The following PDS5A variants were observed in gnomAD, a reference collection of about 807,000 sequenced individuals.
PDS5A encodes PDS5 cohesin associated factor A, also known as sister chromatid cohesion protein PDS5 homolog A.
PDS5A carries 42 observed loss-of-function variants against 167.1 expected under a neutral mutation model. The observed-to-expected ratio is 0.25, with a 90% CI of 0.20 to 0.33. The LOEUF (loss-of-function observed/expected upper bound fraction) is 0.33, where lower values mean the gene tolerates loss of function less well. Ranked by LOEUF, PDS5A falls within the 10% of genes least tolerant of loss-of-function variation. The probability of loss-of-function intolerance (pLI) is 1.00; values close to 1 mark genes in which losing one functional copy is unlikely to be tolerated. For missense variants in PDS5A, 1,033 were observed against 1,605.9 expected, an observed-to-expected ratio of 0.64 and a Z score of 6.10; for synonymous variants, 553 against 554.6, an observed-to-expected ratio of 1.00 and a Z score of 0.04.
chr4:39,849,667 A>G lies in PDS5A; in HGVS notation c.3087-15T>C. Reference sequence around the variant, plus strand: ...ACCATAGGCACCTAAATGTAAACATATTAAAGAGACTAGACGTAGATAGAT... The same window carrying G: ...ACCATAGGCACCTAAATGTAAACATGTTAAAGAGACTAGACGTAGATAGAT... On this transcript the variant is annotated splice_polypyrimidine_tract_variant and intron_variant, in intron 26 of 32. Transcript: ENST00000303538. The G allele has an allele frequency of 6.3e-7, 1 of 1,594,540 alleles. No homozygotes were observed. Among genetic ancestry groups the G allele is most frequent in the Non-Finnish European group, 8.6e-7 (1 of 1,163,688 alleles).
intron 17 of PDS5A, among the ~76,000 whole-genome samples, chr4:39,880,224 C>T (rs1212577007): frequency 6.6e-6 from 1 of 152,032 alleles, no homozygotes; most frequent in Non-Finnish European, 1.5e-5. Context: ...TAAACATACA[C>T]ATGGACAAAT....
chr4:39,970,005 C>A lies in PDS5A; in HGVS notation c.138+6435G>T, dbSNP rs975847842. Among the ~76,000 whole-genome samples, 3 of 149,908 alleles carry A rather than the reference C, an allele frequency of 2.0e-5. No homozygotes were observed. In the South Asian group the frequency reaches 6.3e-4, roughly 31 times the overall value. ...ACAGAGTCTCGCCCTGTTGCCCAGG[C>A]TGGAATGCAGTGATGTGATCTCGGC... On this transcript the variant is annotated intron_variant, in intron 2 of 32. Coordinates refer to ENST00000303538, the MANE Select transcript of PDS5A (RefSeq NM_001100399.2).
chr4:39,923,779 AT>A (rs1217609859), intron 5 of PDS5A, among the ~76,000 whole-genome samples: 1 of 152,072 alleles, frequency 6.6e-6, no homozygotes, highest in African/African-American at 2.4e-5. Flanking sequence ...AAAGGCAGAC[AT>A]TTTTTTCAAC....
chr4:39,942,260 T>C (rs984341716), intron 2 of PDS5A, among the ~76,000 whole-genome samples: 11 of 152,184 alleles, frequency 7.2e-5, no homozygotes, highest in Non-Finnish European at 1.2e-4. Context: ...TCAAACTGGG[T>C]TAATTCATTA....
intron 26 of PDS5A, among the ~76,000 whole-genome samples, chr4:39,857,473 A>G (rs1344103950): frequency 2.0e-5 from 3 of 152,218 alleles, no homozygotes; most frequent in Non-Finnish European, 1.5e-5. Context: ...GAATTCAACA[A>G]AAAACAAATA....
At chr4:39,912,537 T>C (rs1357880444) in intron 9 of PDS5A, among the ~76,000 whole-genome samples, 2 of 152,236 alleles carry the variant, frequency 1.3e-5, no homozygotes, top group Non-Finnish European at 2.9e-5. Context: ...ACTGCTAAGA[T>C]AGCAGTAGGC....
intron 2 of PDS5A, among the ~76,000 whole-genome samples, chr4:39,970,790 C>CTTTTTTTTT (rs35223238): frequency 2.3e-5 from 2 of 88,492 alleles, no homozygotes; most frequent in African/African-American, 4.3e-5. Context: ...CCGCTTGTTC[C>CTTTTTTTTT]TTTTTTTTTT....
In PDS5A at chr4:39,910,568, T is replaced by A. The variant is rs59993099; in HGVS notation, c.993-230A>T. Among the ~76,000 whole-genome samples the A allele has an allele frequency of 0.096, 14,658 of 152,192 alleles. 882 individuals are homozygous for A. Among genetic ancestry groups the A allele is most frequent in the East Asian group, 0.22 (1,121 of 5,170 alleles). Reference sequence around the variant, plus strand: ...ATTTCTTTACCATGCTAAAACTAACTAACAAAAAACAGTATAAACAAACAC... The same window carrying A: ...ATTTCTTTACCATGCTAAAACTAACAAACAAAAAACAGTATAAACAAACAC... On this transcript the variant is annotated intron_variant, in intron 9 of 32. Coordinates refer to ENST00000303538, the MANE Select transcript of PDS5A (RefSeq NM_001100399.2).
intron 2 of PDS5A, among the ~76,000 whole-genome samples, chr4:39,950,075 T>C (rs1051939896): frequency 1.4e-4 from 22 of 151,768 alleles, no homozygotes; most frequent in African/African-American, 4.8e-4. Context: ...TTGGCTTATT[T>C]TCTATGTTTT....
intron 8 of PDS5A, among the ~76,000 whole-genome samples, chr4:39,915,639 T>A (rs1015938518): frequency 6.6e-6 from 1 of 152,016 alleles, no homozygotes; most frequent in Non-Finnish European, 1.5e-5. Context: ...GGATTACAGG[T>A]ATGAGCTACC....
At chr4:39,909,040 A>AAAAATAAATAAAATAAAATAAAATAAAAT (rs1723641503) in intron 10 of PDS5A, among the ~76,000 whole-genome samples, 1 of 126,024 alleles carries the variant, frequency 7.9e-6, no homozygotes, top group Non-Finnish European at 1.7e-5. Context: ...CCCTGTATCA[A>AAAAATAAATAAAATAAAATAAAATAAAAT]AAAATAAAAT....
chr4:39,862,980 C>T lies in PDS5A; in HGVS notation c.2860G>A (p.Ala954Thr). Reference protein sequence around the residue: ...LLPLEYMAIFALCAKDPVKER... With the variant: ...LLPLEYMAIFTLCAKDPVKER... Reference sequence around the variant, plus strand: ...TTCACAGGATCTTTGGCACACAAGGCAAAGATCGCCATATACTCCAATGGG... The same window carrying T: ...TTCACAGGATCTTTGGCACACAAGGTAAAGATCGCCATATACTCCAATGGG... Residue 954 changes from alanine to threonine, a missense_variant, in exon 25 of 33, where the codon GCC (alanine) becomes ACC (threonine). Ala to Thr is a moderately conservative substitution (Grantham distance 58). Around this residue, in one of 4 missense-constraint regions of PDS5A, gnomAD observed 367 missense variants for 686.7 expected, o/e 0.53. Coordinates refer to ENST00000303538, the MANE Select transcript of PDS5A (RefSeq NM_001100399.2). 1 of 1,613,554 alleles carries T rather than the reference C, an allele frequency of 6.2e-7. No individual in the cohort carries two copies. Among genetic ancestry groups the T allele is most frequent in the Non-Finnish European group, 8.5e-7 (1 of 1,179,630 alleles).
In PDS5A at chr4:39,935,031, T is replaced by A. The variant is rs895321734; in HGVS notation, c.139-6867A>T. Among the ~76,000 whole-genome samples the A allele has an allele frequency of 3.9e-5, 6 of 152,218 alleles. No individual in the cohort carries two copies. In the South Asian group the frequency reaches 1.2e-3, roughly 31 times the overall value. ...AAGGATTTAACGTAATCTAACTTTA[T>A]CAATTATTTTCTTTTATGGTTTGTG... On this transcript the variant is annotated intron_variant, in intron 2 of 32. Transcript: ENST00000303538.
chr4:39,922,801 T>G, intron 5 of PDS5A, 53 bp from the exon 6 acceptor site: 1 of 1,351,276 alleles, frequency 7.4e-7, no homozygotes, highest in Non-Finnish European at 9.6e-7. Flanking sequence ...AAGAAGAGAA[T>G]TCAAGCTTCT....
chr4:39,920,487 A>G (rs1483196466), intron 6 of PDS5A, 88 bp from the exon 7 acceptor site: 3 of 495,538 alleles, frequency 6.1e-6, no homozygotes, highest in Non-Finnish European at 1.1e-5. Flanking sequence ...TCAAATCTGT[A>G]ATAAAATATG....
In PDS5A at chr4:39,948,284, T is replaced by C. The variant is rs894280894; in HGVS notation, c.139-20120A>G. 2.0e-5 allele frequency among the ~76,000 whole-genome samples: 3 copies of C among 149,860 alleles called. No individual in the cohort carries two copies. In the Admixed American group the frequency reaches 2.0e-4, roughly 10 times the overall value. ...CACAAGAATGTTTATAGCAGCATTA[T>C]TCACAATAGCCAAAAGGTGAATCAA... On this transcript the variant is annotated intron_variant, in intron 2 of 32. Transcript: ENST00000303538.
chr4:39,844,765 G>A lies in PDS5A; in HGVS notation c.3439C>T (p.Pro1147Ser). The change falls in exon 30 of 33, where the codon CCT (proline) becomes TCT (serine). Residue 1147 changes from proline to serine, a missense_variant. Transcript: ENST00000303538. ...PAGVLGAVNK[P>S]LSATGRKPYV... ...GGTTTCCTTCCCGTTGCTGATAAAG[G>A]CTTATTTACTGCACCTAGTACTCCA... is the stretch of plus-strand genomic sequence containing the variant. 2 of 1,613,060 alleles carry A rather than the reference G, an allele frequency of 1.2e-6. No homozygotes were observed. Among genetic ancestry groups the A allele is most frequent in the Non-Finnish European group, 1.7e-6 (2 of 1,179,626 alleles).
chr4:39,893,944 TG>T (rs1722181898), intron 16 of PDS5A, among the ~76,000 whole-genome samples: 1 of 152,242 alleles, frequency 6.6e-6, no homozygotes, highest in African/African-American at 2.4e-5. Flanking sequence ...GTCACAGTGT[TG>T]GGATTACAAC....
chr4:39,875,661 T>G, intron 19 of PDS5A, among the ~76,000 whole-genome samples: 1 of 152,176 alleles, frequency 6.6e-6, no homozygotes, highest in East Asian at 1.9e-4. Flanking sequence ...TTTGCCTCTA[T>G]GGACTTTGGA....
Sources: allele counts gnomAD v4.1 joint callset (sites outside exome capture counted in the v4.1 genomes callset), GRCh38; gene constraint gnomAD v4.1.1; regional missense constraint gnomAD v4.1.1; transcripts MANE v1.5; gene names NCBI Gene and HGNC (gene_info 2026-07-23, HGNC 2026-07-21).